The following NLRC5 variants were observed in gnomAD, a reference collection of about 807,000 sequenced individuals.
The protein encoded by NLRC5 is NLR family CARD domain containing 5.
NLRC5 carries 114 observed loss-of-function variants against 206.9 expected under a neutral mutation model. The observed-to-expected ratio is 0.55, with a 90% confidence interval of 0.47 to 0.64. The LOEUF (loss-of-function observed/expected upper bound fraction) is 0.64. Among genes scored for constraint, NLRC5 ranks in the 30% least tolerant of loss-of-function variants. The pLI is 0.00. For synonymous variants in NLRC5, 952 were observed against 962.8 expected, an observed-to-expected ratio of 0.99 and a Z score of 0.21; for missense variants, 2,008 against 2,305.5, an observed-to-expected ratio of 0.87 and a Z score of 2.64.
chr16:57,007,268 C>G (rs1211910065), intron 1 of NLRC5, among the ~76,000 whole-genome samples: 1 of 152,210 alleles, frequency 6.6e-6, no homozygotes, highest in African/African-American at 2.4e-5. Context: ...TCCACGTCCA[C>G]GTGGAATGAT....
In NLRC5 at chr16:57,039,850, G is replaced by A. The variant is rs2063062611; in HGVS notation, c.2870+1G>A. On this transcript the variant is annotated splice_donor_variant, in intron 16 of 48. Coordinates refer to ENST00000688547, the MANE Select transcript of NLRC5 (RefSeq NM_001384950.1). LOFTEE classifies it high-confidence loss of function. ...AGGAGCAGAAGGGGCCCCAGGAGAG[G>A]TAGGGCCCGATTTCACCCCAACTCC... 1.9e-6 allele frequency: 3 copies of A among 1,613,214 alleles called. No homozygotes were observed. Among genetic ancestry groups the A allele is most frequent in the Non-Finnish European group, 8.5e-7 (1 of 1,179,280 alleles).
In NLRC5 at chr16:57,031,390, A is replaced by G. The variant is rs2061869256; in HGVS notation, c.2418-14A>G. The G allele has an allele frequency of 6.2e-7, 1 of 1,613,750 alleles. No homozygotes were observed. The highest frequency in any genetic ancestry group is 8.5e-7 in the Non-Finnish European group (1 of 1,179,902). The stretch of plus-strand genomic sequence containing the variant: ...CAGTCTCTGGGTTTCATGGCTTGGT[A>G]TCTGATCCTGCAGGGAGGCGGACCT... On this transcript the variant is annotated splice_polypyrimidine_tract_variant and intron_variant, in intron 10 of 48. Transcript: ENST00000688547.
chr16:57,017,496 G>T (rs2060214211), intron 2 of NLRC5, among the ~76,000 whole-genome samples: 1 of 152,158 alleles, frequency 6.6e-6, no homozygotes, highest in African/African-American at 2.4e-5. Context: ...AGGTTACACT[G>T]TAGTACATGC....
At chr16:57,016,164 G>A (rs1308109571) in intron 1 of NLRC5, among the ~76,000 whole-genome samples, 2 of 151,956 alleles carry the variant, frequency 1.3e-5, no homozygotes, top group African/African-American at 4.8e-5. Flanking sequence ...GCAGTGAGCT[G>A]AGAACATGCC....
At chr16:57,080,201 G>T (rs2068951050) in intron 46 of NLRC5, among the ~76,000 whole-genome samples, 2 of 152,138 alleles carry the variant, frequency 1.3e-5, no homozygotes, top group Non-Finnish European at 2.9e-5. Context: ...GGACACAAGT[G>T]ATTACGAGAA....
At chr16:57,002,513 G>A (rs1480251880) in intron 1 of NLRC5, among the ~76,000 whole-genome samples, 6 of 152,232 alleles carry the variant, frequency 3.9e-5, no homozygotes, top group African/African-American at 1.4e-4. Flanking sequence ...CTTGGCTATT[G>A]TAAACAGTGC....
At chr16:57,023,997 T>C (rs1042536575) in intron 5 of NLRC5, 144 bp downstream of exon 5, 2 of 777,056 alleles carry the variant, frequency 2.6e-6, no homozygotes, top group Admixed American at 4.7e-5. Context: ...AGAAAAGGAC[T>C]GGAGGTCTTG....
rs1328946222 is a variant in NLRC5, at chr16:57,077,999, C to T, written c.5060C>T (p.Pro1687Leu). Residue 1687 changes from proline to leucine, a missense_variant, in exon 43 of 49, where the codon CCC (proline) becomes CTC (leucine). Physicochemically the swap from Pro to Leu is moderately conservative, Grantham distance 98. Coordinates refer to ENST00000688547, the MANE Select transcript of NLRC5 (RefSeq NM_001384950.1). ...GCCCTGGGGCTGGCTCAGGAGCTGC[C>T]CCAGCACCTGAGGGTCCTACAGTGA... The part of the protein sequence containing the change: ...PTALGLAQEL[P>L]QHLRVLHLPF... The T allele has an allele frequency of 6.2e-7, 1 of 1,609,614 alleles. No individual in the cohort carries two copies. The highest frequency in any genetic ancestry group is 2.2e-5 in the East Asian group (1 of 44,846).
In NLRC5 at chr16:57,077,942, G is replaced by A; in HGVS notation, c.5004-1G>A. The A allele has an allele frequency of 6.2e-7, 1 of 1,613,344 alleles. No individual in the cohort carries two copies. The highest frequency in any genetic ancestry group is 8.5e-7 in the Non-Finnish European group (1 of 1,179,636). Reference sequence around the variant, plus strand: ...CAATGCTCATTCCTCTCCTCTTCCAGGCTTGGCTGCAATGCCCTGGGGGAT... The same window carrying A: ...CAATGCTCATTCCTCTCCTCTTCCAAGCTTGGCTGCAATGCCCTGGGGGAT... On this transcript the variant is annotated splice_acceptor_variant, in intron 42 of 48. Coordinates refer to ENST00000688547, the MANE Select transcript of NLRC5 (RefSeq NM_001384950.1). LOFTEE classifies it high-confidence loss of function.
At chr16:57,080,981 T>C in intron 46 of NLRC5, 117 bp from the exon 47 acceptor site, 4 of 826,974 alleles carry the variant, frequency 4.8e-6, no homozygotes, top group Non-Finnish European at 7.7e-6. Context: ...TCAGGTGGCC[T>C]CTCTTGAAAA....
chr16:57,029,802 T>C lies in NLRC5; in HGVS notation c.2273T>C (p.Val758Ala), dbSNP rs1597246741. The stretch of plus-strand genomic sequence containing the variant: ...CGGGACAACCAGCTCAGTGACCAGG[T>C]GGTGCTGAACATTGTGGAGGTTCTC... ...SFRDNQLSDQ[V>A]VLNIVEVLPH... Residue 758 changes from valine (V) to alanine (A), a missense_variant, in exon 9 of 49, where the codon GTG (valine) becomes GCG (alanine). Transcript: ENST00000688547. The C allele has an allele frequency of 6.2e-7, 1 of 1,614,152 alleles. No homozygotes were observed. Among genetic ancestry groups the C allele is most frequent in the Middle Eastern group, 1.6e-4 (1 of 6,062 alleles).
At chr16:57,071,086 T>A in intron 38 of NLRC5, among the ~76,000 whole-genome samples, 1 of 107,516 alleles carries the variant, frequency 9.3e-6, no homozygotes, top group East Asian at 3.2e-4. Flanking sequence ...TGTGAGTGAG[T>A]GGTGTTGGTG....
At position 57,047,575 on chromosome 16, in the gene NLRC5, C is replaced by T; in HGVS notation, c.3369C>T (p.Ser1123=). Residue 1123 remains serine, a synonymous_variant, in exon 23 of 49, where the codon AGC becomes AGT. Transcript: ENST00000688547. Reference sequence around the variant, plus strand: ...GTGAGTGTCCTCTGGAGCCCCCAAGCCTCACCCGCCTCTGTGCCACTCTGA... The same window carrying T: ...GTGAGTGTCCTCTGGAGCCCCCAAGTCTCACCCGCCTCTGTGCCACTCTGA... ...CLSECPLEPP[S]LTRLCATLKD... is the part of the protein sequence containing the mutation. 2 of 1,612,318 alleles carry T rather than the reference C, an allele frequency of 1.2e-6. No homozygotes were observed. Among genetic ancestry groups the T allele is most frequent in the Non-Finnish European group, 1.7e-6 (2 of 1,179,306 alleles).
chr16:57,082,588 G>T lies in NLRC5; in HGVS notation c.*60G>T. 7.7e-7 allele frequency: 1 copy of T among 1,295,158 alleles called. No homozygotes were observed. The highest frequency in any genetic ancestry group is 1.5e-5 in the African/African-American group (1 of 68,458). The allele number at this position is 1,295,158 out of a possible 1,614,324, so 80.2% of individuals were successfully genotyped here. On this transcript the variant is annotated 3_prime_UTR_variant, in exon 49 of 49. Transcript: ENST00000688547. ...GATGCACCCAAATGATCCACCTTTCGCCCACTGGGATAATTGACTCAGGAA... is the reference window on the plus strand; with the variant it reads ...GATGCACCCAAATGATCCACCTTTCTCCCACTGGGATAATTGACTCAGGAA...
chr16:57,007,061 A>G (rs2058995310), intron 1 of NLRC5, among the ~76,000 whole-genome samples: 1 of 151,924 alleles, frequency 6.6e-6, no homozygotes, highest in African/African-American at 2.4e-5. Context: ...TGGCTTTTTT[A>G]GAAAAAATCA....
intron 37 of NLRC5, 52 bp downstream of exon 37, chr16:57,069,971 G>C (rs1254433668): frequency 6.8e-7 from 1 of 1,471,594 alleles, no homozygotes; most frequent in Non-Finnish European, 9.3e-7. Context: ...TGAGGGTGAG[G>C]GGTGGAGAAG....
chr16:57,020,455 C>T, intron 2 of NLRC5, among the ~76,000 whole-genome samples: 1 of 135,984 alleles, frequency 7.4e-6, no homozygotes, highest in Admixed American at 7.2e-5. Flanking sequence ...GCCCCAGCTC[C>T]CCTGTCCCCC....
intron 23 of NLRC5, 66 bp from the exon 24 acceptor site, chr16:57,051,472 A>C: frequency 1.7e-6 from 2 of 1,196,230 alleles, no homozygotes; most frequent in Non-Finnish European, 2.5e-6. Flanking sequence ...GGCTCTGGCT[A>C]TGAGGCCGTG....
chr16:57,026,290 T>G lies in NLRC5; in HGVS notation c.1347T>G (p.Pro449=), dbSNP rs777745465. Residue 449 remains proline (P), a synonymous_variant, in exon 6 of 49, where the codon CCT becomes CCG. Coordinates refer to ENST00000688547, the MANE Select transcript of NLRC5 (RefSeq NM_001384950.1). ...AGATGGTGCTCGCCCTCAGCCCCCC[T>G]GGGCACTTGCCCACCTCGTCCCTAC... is the stretch of plus-strand genomic sequence containing the variant. ...YMQMVLALSP[P]GHLPTSSLLD... 3.1e-6 allele frequency: 5 copies of G among 1,614,002 alleles called. No homozygotes were observed. The highest frequency in any genetic ancestry group is 3.3e-5 in the Admixed American group (2 of 60,032).
Sources: allele counts gnomAD v4.1 joint callset (sites outside exome capture counted in the v4.1 genomes callset), GRCh38; gene constraint gnomAD v4.1.1; transcripts MANE v1.5; gene names NCBI Gene and HGNC (gene_info 2026-07-23, HGNC 2026-07-21).